Variants in WDR17 observed in about 807,000 individuals in gnomAD.
WDR17 encodes WD repeat domain 17, also known as WD repeat-containing protein 17.
A neutral mutation model predicts 161.7 loss-of-function variants in WDR17; 143 were observed. The observed-to-expected ratio is 0.88, with a 90% CI of 0.77 to 1.02. WDR17 has a LOEUF of 1.02. WDR17 is among the 50% of genes least tolerant of loss of function. WDR17 has a pLI of 0.00. For missense variants in WDR17, 1,469 were observed against 1,520.9 expected, an observed-to-expected ratio of 0.97 and a Z score of 0.57; for synonymous variants, 517 against 515.6, an observed-to-expected ratio of 1.00 and a Z score of -0.04.
rs188028454 is a variant in WDR17, at chr4:176,152,899, C to T, written c.2460+932C>T. On this transcript the variant is annotated intron_variant, in intron 17 of 28. Coordinates refer to ENST00000508596, the MANE Select transcript of WDR17 (RefSeq NM_181265.4). ...GCACGGAGCCGAGATCGCACCATTG[C>T]ACTCCAGCCTGGCGACAGAGCAAGA... Among the ~76,000 whole-genome samples the T allele has an allele frequency of 5.9e-4, 89 of 151,260 alleles. 1 individual carries two copies. In the East Asian group the frequency reaches 0.015, roughly 26 times the overall value.
At chr4:176,140,414 C>T (rs1745069521) in intron 10 of WDR17, among the ~76,000 whole-genome samples, 1 of 151,936 alleles carries the variant, frequency 6.6e-6, no homozygotes, top group South Asian at 2.1e-4. Flanking sequence ...AAAGCCTTTG[C>T]AAGGAGAAAT....
At chr4:176,080,779 T>G (rs1001309828) in intron 1 of WDR17, among the ~76,000 whole-genome samples, 1 of 152,074 alleles carries the variant, frequency 6.6e-6, no homozygotes, top group African/African-American at 2.4e-5. Flanking sequence ...TTATTTTTAT[T>G]TATTGTATCT....
At chr4:176,102,871 C>G (rs1260285827) in intron 1 of WDR17, among the ~76,000 whole-genome samples, 1 of 152,188 alleles carries the variant, frequency 6.6e-6, no homozygotes. Flanking sequence ...TCATCCCTCA[C>G]CTCAAGCCCC....
At chr4:176,093,430 C>G (rs1736393062) in intron 1 of WDR17, among the ~76,000 whole-genome samples, 1 of 152,144 alleles carries the variant, frequency 6.6e-6, no homozygotes, top group African/African-American at 2.4e-5. Flanking sequence ...GTGTGCTTGA[C>G]TATTCAATGC....
Position 176,129,025 on chromosome 4 carries a change from T to C in WDR17, c.913+165T>C, listed in dbSNP as rs528268497. On this transcript the variant is annotated intron_variant, in intron 6 of 28. Coordinates refer to ENST00000508596, the MANE Select transcript of WDR17 (RefSeq NM_181265.4). ...AAGGATCCATCAAAGCTACACAAGATCTACTGTTACTAAATTGAAAATATT... is the reference window on the plus strand; with the variant it reads ...AAGGATCCATCAAAGCTACACAAGACCTACTGTTACTAAATTGAAAATATT... 2.0e-5 allele frequency among the ~76,000 whole-genome samples: 3 copies of C among 152,246 alleles called. No individual in the cohort carries two copies. The East Asian group carries it at 5.8e-4, about 29-fold the overall frequency.
intron 2 of WDR17, among the ~76,000 whole-genome samples, chr4:176,114,689 G>A (rs1273079120): frequency 6.6e-6 from 1 of 151,602 alleles, no homozygotes; most frequent in African/African-American, 2.4e-5. Context: ...TCAGAAAGAA[G>A]TGTGCTCTAC....
At chr4:176,149,985 T>A in intron 14 of WDR17, 29 bp downstream of exon 14, 1 of 1,609,900 alleles carries the variant, frequency 6.2e-7, no homozygotes, top group Middle Eastern at 1.7e-4. Flanking sequence ...TATTAGAGTT[T>A]ATTTCTAAAT....
chr4:176,119,007 G>A (rs775949308), intron 3 of WDR17, among the ~76,000 whole-genome samples: 22 of 151,626 alleles, frequency 1.5e-4, no homozygotes, highest in Non-Finnish European at 2.4e-4. Flanking sequence ...AAATTCCTTG[G>A]CTCAAACTCC....
chr4:176,159,893 G>A (rs367616083), intron 18 of WDR17, 101 bp from the exon 19 acceptor site: 3 of 1,200,684 alleles, frequency 2.5e-6, no homozygotes, highest in East Asian at 5.1e-5. Flanking sequence ...AGGGCTTTAT[G>A]AAATCTGCTA....
At position 176,135,356 on chromosome 4, in the gene WDR17, C is replaced by T. The variant is rs749167081; in HGVS notation, c.1267+80C>T. The T allele has an allele frequency of 2.1e-5, 30 of 1,448,562 alleles. No homozygotes were observed. The Admixed American group carries it at 5.1e-4, about 25-fold the overall frequency. The allele number at this position is 1,448,562 out of a possible 1,614,324, so 89.7% of individuals were successfully genotyped here. On this transcript the variant is annotated intron_variant, in intron 8 of 28. Coordinates refer to ENST00000508596, the MANE Select transcript of WDR17 (RefSeq NM_181265.4). ...TATTTTCATTTGAGTTACTTTCTTC[C>T]TCTTGATCTCATCTTGTTCTAAATG... is the stretch of plus-strand genomic sequence containing the variant.
In WDR17 at chr4:176,174,655, G is replaced by T; in HGVS notation, c.3386G>T (p.Gly1129Val). 2.5e-6 allele frequency: 4 copies of T among 1,612,102 alleles called. No homozygotes were observed. The highest frequency in any genetic ancestry group is 3.4e-6 in the Non-Finnish European group (4 of 1,178,800). ...NELLILCGYI[G>V]ALLAIRRQYQ... Reference sequence around the variant, plus strand: ...TTGCTGATATTATGTGGTTACATTGGTGCATTACTGGCTATCAGAAGACAG... The same window carrying T: ...TTGCTGATATTATGTGGTTACATTGTTGCATTACTGGCTATCAGAAGACAG... The change falls in exon 26 of 29, where the codon GGT (glycine) becomes GTT (valine). Residue 1129 changes from glycine to valine, a missense_variant. Transcript: ENST00000508596.
Position 176,142,014 on chromosome 4 carries a change from C to G in WDR17, c.1474C>G (p.His492Asp). The change falls in exon 11 of 29, where the codon CAC becomes GAC. Residue 492 changes from histidine (H) to aspartate (D), a missense_variant. Coordinates refer to ENST00000508596, the MANE Select transcript of WDR17 (RefSeq NM_181265.4). ...TCGAACAATTGATGGTAAAGTGCTA[C>G]ACAAATATAAACATCCAGCTGCAGT... ...IIRTIDGKVL[H>D]KYKHPAAVFG... The G allele has an allele frequency of 1.2e-6, 2 of 1,608,538 alleles. No individual in the cohort carries two copies. Among genetic ancestry groups the G allele is most frequent in the Non-Finnish European group, 1.7e-6 (2 of 1,176,864 alleles).
chr4:176,176,022 C>T (rs1230778388), intron 26 of WDR17, among the ~76,000 whole-genome samples: 1 of 152,146 alleles, frequency 6.6e-6, no homozygotes, highest in Non-Finnish European at 1.5e-5. Context: ...AGGGAAAAAT[C>T]TCTTTCTACA....
At chr4:176,141,437 A>G (rs960431869) in intron 10 of WDR17, among the ~76,000 whole-genome samples, 5 of 152,320 alleles carry the variant, frequency 3.3e-5, no homozygotes, top group South Asian at 2.1e-4. Context: ...AAAAAATTCT[A>G]TAAGAAAAAG....
chr4:176,146,010 T>A lies in WDR17; in HGVS notation c.1545T>A (p.Thr515=), dbSNP rs902686601. 17 of 1,613,522 alleles carry A rather than the reference T, an allele frequency of 1.1e-5. No individual in the cohort carries two copies. The highest frequency in any genetic ancestry group is 1.3e-5 in the Non-Finnish European group (15 of 1,179,698). ...WSQNNKDMIA[T]GCEDTNVRVY... is the part of the protein sequence containing the mutation. The stretch of plus-strand genomic sequence containing the variant: ...GATATTTCAGAGACATGATAGCCAC[T>A]GGCTGTGAAGACACAAATGTTCGTG... The change falls in exon 12 of 29, where the codon ACT becomes ACA. Residue 515 remains threonine (T), a synonymous_variant. Transcript: ENST00000508596.
rs1579109257 is a variant in WDR17 at position 176,122,787 on chromosome 4, AAAAT to A, written c.539-2311_539-2308del. Reference sequence around the variant, plus strand: ...TGTTGTCTAGTCCTTCTCAGAAGAAAAAATAAATATTCATGAGAACTAGCCACGA... The same window carrying A: ...TGTTGTCTAGTCCTTCTCAGAAGAAAAAATATTCATGAGAACTAGCCACGA... On this transcript the variant is annotated intron_variant, in intron 4 of 28. Transcript: ENST00000508596. Among the ~76,000 whole-genome samples the A allele has an allele frequency of 2.0e-5, 3 of 152,330 alleles. No individual in the cohort carries two copies. The East Asian group carries it at 5.8e-4, about 29-fold the overall frequency.
rs548622522 is a variant in WDR17 at position 176,176,743 on chromosome 4, G to T, written c.3450-315G>T. On this transcript the variant is annotated intron_variant, in intron 26 of 28. Transcript: ENST00000508596. Reference sequence around the variant, plus strand: ...TCATGGTTAAGTGTTCTCTCTCACTGTGGCTATTATTTAACATCACTTAAC... The same window carrying T: ...TCATGGTTAAGTGTTCTCTCTCACTTTGGCTATTATTTAACATCACTTAAC... Among the ~76,000 whole-genome samples the T allele has an allele frequency of 1.8e-4, 28 of 152,234 alleles. No homozygotes were observed. The East Asian group carries it at 2.1e-3, about 12-fold the overall frequency.
chr4:176,148,635 C>T (rs995734605), intron 13 of WDR17, among the ~76,000 whole-genome samples: 71 of 152,282 alleles, frequency 4.7e-4, no homozygotes, highest in African/African-American at 1.6e-3. Context: ...ACACATATTG[C>T]GATGGGCATA....
chr4:176,107,573 T>G (rs1339188968), intron 1 of WDR17, among the ~76,000 whole-genome samples: 2 of 151,474 alleles, frequency 1.3e-5, no homozygotes, highest in Non-Finnish European at 2.9e-5. Context: ...ATATGGCATA[T>G]ATGCACAATG....
Sources: gnomAD v4.1 joint callset for allele counts (sites outside exome capture counted in the v4.1 genomes callset) on GRCh38, gnomAD v4.1.1 for gene constraint, MANE v1.5 for transcripts, NCBI Gene and HGNC (gene_info 2026-07-23, HGNC 2026-07-21) for gene names.